Variants in TMOD1 observed in about 807,000 individuals in gnomAD.
The protein encoded by TMOD1 is tropomodulin 1, also known as tropomodulin-1.
TMOD1 carries 17 observed loss-of-function variants against 40.6 expected under a neutral mutation model. The ratio of observed to expected loss-of-function variants is 0.42; its 90% CI spans 0.29 to 0.63. The LOEUF (loss-of-function observed/expected upper bound fraction) is 0.63. Ranked by LOEUF, TMOD1 falls within the 20% of genes least tolerant of loss-of-function variation. TMOD1 has a pLI of 0.22. For missense variants in TMOD1, 391 were observed against 447.6 expected (o/e 0.87, Z 1.14); for synonymous variants, 181 against 175.0 (o/e 1.03, Z -0.27).
intron 2 of TMOD1, among the ~76,000 whole-genome samples, chr9:97,524,871 TC>T (rs76907824): frequency 4.6e-5 from 4 of 87,822 alleles, no homozygotes; most frequent in South Asian, 3.2e-4. Flanking sequence ...CACCGCCATA[TC>T]AGGGGGAATA....
intron 9 of TMOD1, among the ~76,000 whole-genome samples, chr9:97,599,131 C>CG (rs1424019955): frequency 5.9e-5 from 9 of 152,082 alleles, no homozygotes; most frequent in Admixed American, 5.9e-4. Flanking sequence ...GTCTTGCCCC[C>CG]GGGGAAAATG....
At chr9:97,551,688 T>C (rs1490589881) in intron 3 of TMOD1, among the ~76,000 whole-genome samples, 2 of 152,246 alleles carry the variant, frequency 1.3e-5, no homozygotes, top group African/African-American at 2.4e-5. Context: ...TAATTCCATA[T>C]GAATTTAAGG....
intron 9 of TMOD1, among the ~76,000 whole-genome samples, chr9:97,595,247 G>A (rs376824476): frequency 1.4e-4 from 21 of 152,128 alleles, no homozygotes; most frequent in African/African-American, 4.6e-4. Context: ...TTATTTTTTA[G>A]CAATTTTGAA....
chr9:97,584,920 C>T (rs1825837747), intron 8 of TMOD1, among the ~76,000 whole-genome samples: 1 of 152,164 alleles, frequency 6.6e-6, no homozygotes, highest in Non-Finnish European at 1.5e-5. Flanking sequence ...GATGGGTTTC[C>T]TGAATACAGC....
chr9:97,601,477 A>G lies in TMOD1; in HGVS notation c.*1779A>G. The G allele has an allele frequency of 1.0e-6, 1 of 996,004 alleles. No homozygotes were observed. The highest frequency in any genetic ancestry group is 1.2e-6 in the Non-Finnish European group (1 of 836,206). 61.7% of individuals were successfully genotyped at this position (996,004 alleles called of 1,614,324 possible). A position where few individuals can be genotyped will look rare whatever the true frequency, so the allele number is the denominator to read the frequency against. ...TCAGAGAGTAAGTGCTGGGGAAAGC[A>G]GAGCTATCAGAGGAAATCTCTCATA... On this transcript the variant is annotated 3_prime_UTR_variant, in exon 10 of 10. Coordinates refer to ENST00000259365, the MANE Select transcript of TMOD1 (RefSeq NM_003275.4).
At chr9:97,566,658 G>A (rs926053307) in intron 7 of TMOD1, among the ~76,000 whole-genome samples, 14 of 152,060 alleles carry the variant, frequency 9.2e-5, no homozygotes, top group African/African-American at 2.7e-4. Context: ...GCGACAGAGC[G>A]AGGCTCCATC....
Position 97,568,904 on chromosome 9 carries a change from A to G in TMOD1, c.737A>G (p.Glu246Gly). The G allele has an allele frequency of 6.2e-7, 1 of 1,614,074 alleles. No individual in the cohort carries two copies. The highest frequency in any genetic ancestry group is 8.5e-7 in the Non-Finnish European group (1 of 1,179,976). Reference protein sequence around the residue: ...SNDPVAYALAEMLKENKVLKT... With the variant: ...SNDPVAYALAGMLKENKVLKT... Reference sequence around the variant, plus strand: ...CTCTTGTGCTTCAAGGCCCTTGCTGAGATGCTCAAGGAGAACAAGGTGTTG... The same window carrying G: ...CTCTTGTGCTTCAAGGCCCTTGCTGGGATGCTCAAGGAGAACAAGGTGTTG... The change falls in exon 8 of 10, where the codon GAG becomes GGG. Residue 246 changes from glutamate to glycine, a missense_variant. Glu to Gly is a moderately conservative substitution (Grantham distance 98). Coordinates refer to ENST00000259365, the MANE Select transcript of TMOD1 (RefSeq NM_003275.4).
intron 8 of TMOD1, among the ~76,000 whole-genome samples, chr9:97,572,714 C>G (rs1184281771): frequency 6.6e-6 from 1 of 152,172 alleles, no homozygotes; most frequent in Non-Finnish European, 1.5e-5. Context: ...TTTCCTCAGT[C>G]CTGTGCTTAT....
At position 97,600,128 on chromosome 9, in the gene TMOD1, T is replaced by G; in HGVS notation, c.*430T>G. ...CTTTATTACAAATTTGTCTTAGCTA[T>G]TAGCAAATAAAACTGATTATCATTC... On this transcript the variant is annotated 3_prime_UTR_variant, in exon 10 of 10. Transcript: ENST00000259365. 1.0e-6 allele frequency: 1 copy of G among 1,004,622 alleles called. No homozygotes were observed. The highest frequency in any genetic ancestry group is 1.2e-6 in the Non-Finnish European group (1 of 839,558). 62.2% of individuals were successfully genotyped at this position (1,004,622 alleles called of 1,614,324 possible).
intron 2 of TMOD1, 146 bp downstream of exon 2, chr9:97,524,454 A>G: frequency 1.2e-6 from 1 of 843,644 alleles, no homozygotes; most frequent in South Asian, 1.8e-5. Flanking sequence ...TTTTCTTTTA[A>G]TGTGTTGTAT....
chr9:97,578,845 A>G (rs1400960764), intron 8 of TMOD1, among the ~76,000 whole-genome samples: 4 of 152,182 alleles, frequency 2.6e-5, no homozygotes, highest in Non-Finnish European at 4.4e-5. Context: ...GGAGACCAGT[A>G]CTTTCTGAGA....
intron 3 of TMOD1, among the ~76,000 whole-genome samples, chr9:97,547,828 C>A (rs1272907367): frequency 6.6e-6 from 1 of 152,190 alleles, no homozygotes; most frequent in Non-Finnish European, 1.5e-5. Context: ...CCTGTAAACT[C>A]CCTGAGGGCA....
intron 8 of TMOD1, among the ~76,000 whole-genome samples, chr9:97,577,103 G>A (rs1164919105): frequency 6.7e-6 from 1 of 149,314 alleles, no homozygotes; most frequent in African/African-American, 2.6e-5. Context: ...GAAGGAGTAT[G>A]AGAGTTCTTT....
At chr9:97,504,334 C>G (rs1829555427) in intron 1 of TMOD1, among the ~76,000 whole-genome samples, 1 of 152,050 alleles carries the variant, frequency 6.6e-6, no homozygotes, top group Admixed American at 6.5e-5. Context: ...AGGCTGTAGG[C>G]TGAAGAAGGC....
intron 2 of TMOD1, among the ~76,000 whole-genome samples, chr9:97,540,856 G>A (rs967300684): frequency 1.3e-4 from 20 of 152,228 alleles, no homozygotes; most frequent in South Asian, 8.3e-4. Context: ...GCATTTGGGT[G>A]GACATACATC....
At position 97,600,063 on chromosome 9, in the gene TMOD1, C is replaced by T. The variant is rs549651997; in HGVS notation, c.*365C>T. ...GCATTTAAAATGTGTGACACAGAAA[C>T]GGCACACTCTTCCACATGCTTTTGA... On this transcript the variant is annotated 3_prime_UTR_variant, in exon 10 of 10. Transcript: ENST00000259365. 1,413 of 1,051,284 alleles carry T rather than the reference C, an allele frequency of 1.3e-3. 2 individuals carry two copies. The highest frequency in any genetic ancestry group is 1.5e-3 in the Non-Finnish European group (1,322 of 867,774). 65.1% of individuals were successfully genotyped at this position (1,051,284 alleles called of 1,614,324 possible).
intron 1 of TMOD1, among the ~76,000 whole-genome samples, chr9:97,515,559 C>G (rs1431738972): frequency 2.0e-5 from 3 of 152,218 alleles, no homozygotes; most frequent in Non-Finnish European, 4.4e-5. Context: ...GGATTACAGG[C>G]ATGAGCCACC....
At chr9:97,575,115 TCACTCTTTGGGTC>T (rs922130213) in intron 8 of TMOD1, among the ~76,000 whole-genome samples, 2 of 152,228 alleles carry the variant, frequency 1.3e-5, no homozygotes, top group African/African-American at 4.8e-5. Flanking sequence ...TTGCCACTGC[TCACTCTTTGGGTC>T]CACACTGCCT....
At chr9:97,507,674 T>A (rs553829230) in intron 1 of TMOD1, among the ~76,000 whole-genome samples, 40 of 152,224 alleles carry the variant, frequency 2.6e-4, no homozygotes, top group African/African-American at 9.1e-4. Context: ...ATACAGAGAA[T>A]AAAGAGAGAA....
Sources: allele counts gnomAD v4.1 joint callset (sites outside exome capture counted in the v4.1 genomes callset), GRCh38; gene constraint gnomAD v4.1.1; transcripts MANE v1.5; gene names NCBI Gene and HGNC (gene_info 2026-07-23, HGNC 2026-07-21).